The following NPLOC4 variants were observed in gnomAD, a reference collection of about 807,000 sequenced individuals.
NPLOC4 encodes the protein NPL4 homolog, ubiquitin recognition factor, also known as nuclear protein localization protein 4 homolog.
A neutral mutation model predicts 80.6 loss-of-function variants in NPLOC4; 18 were observed. The observed-to-expected ratio is 0.22, with a 90% confidence interval of 0.15 to 0.33. NPLOC4 has a LOEUF of 0.33. Ranked by LOEUF, NPLOC4 falls within the 10% of genes least tolerant of loss-of-function variation. The probability of loss-of-function intolerance (pLI) is 1.00; values close to 1 mark genes in which losing one functional copy is unlikely to be tolerated. For synonymous variants in NPLOC4, 313 were observed against 301.5 expected (o/e 1.04, Z -0.39); for missense variants, 540 against 786.1 (o/e 0.69, Z 3.74).
chr17:81,597,719 G>A (rs2034952460), intron 9 of NPLOC4, among the ~76,000 whole-genome samples: 1 of 144,216 alleles, frequency 6.9e-6, no homozygotes, highest in Admixed American at 7.1e-5. Context: ...GGAGGCAGAG[G>A]TTGCAGTGTG....
intron 16 of NPLOC4, chr17:81,564,080 C>T (rs999812644): frequency 4.2e-5 from 9 of 216,242 alleles, no homozygotes; most frequent in Non-Finnish European, 8.3e-5. Context: ...GGCTCCAGCT[C>T]AAAACACACA....
intron 2 of NPLOC4, among the ~76,000 whole-genome samples, chr17:81,626,604 G>C (rs1355563999): frequency 6.6e-6 from 1 of 152,112 alleles, no homozygotes; most frequent in Non-Finnish European, 1.5e-5. Flanking sequence ...CCAGGAGACA[G>C]AGTGGGGAGG....
chr17:81,617,663 C>CCCCCTCCCTCT (rs199493378), intron 3 of NPLOC4, among the ~76,000 whole-genome samples: 4 of 134,134 alleles, frequency 3.0e-5, no homozygotes, highest in Non-Finnish European at 6.3e-5. Context: ...CAAAAAATGC[C>CCCCCTCCCTCT]CCCCCTCCCC....
At chr17:81,621,900 C>G (rs1047273986) in intron 3 of NPLOC4, among the ~76,000 whole-genome samples, 3 of 152,220 alleles carry the variant, frequency 2.0e-5, no homozygotes, top group Admixed American at 1.3e-4. Flanking sequence ...CACTCCACGC[C>G]GTACATGGAC....
chr17:81,623,587 A>G (rs1213856182), intron 2 of NPLOC4, among the ~76,000 whole-genome samples: 2 of 151,576 alleles, frequency 1.3e-5, no homozygotes, highest in African/African-American at 4.8e-5. Flanking sequence ...TCATGAGGTC[A>G]GGAGATCGAG....
rs552476721 is a variant in NPLOC4 at position 81,597,526 on chromosome 17, T to C, written c.922-210A>G. 5.3e-5 allele frequency among the ~76,000 whole-genome samples: 8 copies of C among 152,216 alleles called. No homozygotes were observed. The South Asian group carries it at 1.7e-3, about 32-fold the overall frequency. On this transcript the variant is annotated intron_variant, in intron 9 of 16. Transcript: ENST00000331134. ...TAGGCCGGGTGCGGTGGCTCACGCC[T>C]GTAATCCCAGCACTTTGGGAGGCCG...
chr17:81,623,568 G>A (rs969890778), intron 2 of NPLOC4, among the ~76,000 whole-genome samples: 5 of 151,802 alleles, frequency 3.3e-5, no homozygotes, highest in Non-Finnish European at 5.9e-5. Context: ...GGAGGCCGAG[G>A]CAGGCGGATC....
intron 7 of NPLOC4, among the ~76,000 whole-genome samples, chr17:81,605,677 G>C (rs1405413306): frequency 1.1e-4 from 16 of 151,814 alleles, no homozygotes; most frequent in Admixed American, 1.1e-3. Context: ...CTGCCCTTTA[G>C]ACCACTTCAG....
At chr17:81,616,655 A>C (rs1438145052) in intron 3 of NPLOC4, among the ~76,000 whole-genome samples, 1 of 151,552 alleles carries the variant, frequency 6.6e-6, no homozygotes, top group Non-Finnish European at 1.5e-5. Context: ...GGGTGAACCC[A>C]GGGGGCGGAG....
chr17:81,608,939 C>T (rs552404193), intron 5 of NPLOC4, 117 bp from the exon 6 acceptor site: 1 of 683,682 alleles, frequency 1.5e-6, no homozygotes, highest in Non-Finnish European at 2.6e-6. Flanking sequence ...TCAAGGCCCA[C>T]AGTGAAAGCA....
At chr17:81,589,258 C>T (rs546997416) in intron 11 of NPLOC4, among the ~76,000 whole-genome samples, 154 bp from the exon 12 acceptor site, 1 of 152,224 alleles carries the variant, frequency 6.6e-6, no homozygotes, top group African/African-American at 2.4e-5. Flanking sequence ...CGGCCGGGTG[C>T]GGTGGCTCAT....
intron 16 of NPLOC4, chr17:81,563,425 T>C (rs1282078148): frequency 6.6e-6 from 1 of 151,074 alleles, no homozygotes; most frequent in African/African-American, 2.4e-5. Flanking sequence ...AAAACATTAG[T>C]TGGGTGTAGT....
Position 81,572,101 on chromosome 17 carries a change from G to A in NPLOC4, c.1282-13C>T. 6.2e-7 allele frequency: 1 copy of A among 1,600,348 alleles called. No homozygotes were observed. Among genetic ancestry groups the A allele is most frequent in the Non-Finnish European group, 8.5e-7 (1 of 1,170,550 alleles). On this transcript the variant is annotated splice_polypyrimidine_tract_variant and intron_variant, in intron 12 of 16. Coordinates refer to ENST00000331134, the MANE Select transcript of NPLOC4 (RefSeq NM_017921.4). The surrounding 1 kb of genome is among the most constrained non-coding windows in gnomAD (Gnocchi z 4.5). The stretch of plus-strand genomic sequence containing the variant: ...ACTTGTCTACGTCCTGCAATAGTCA[G>A]AGGGGAACAGCGGTGAGCAAAGACG...
chr17:81,603,710 A>G (rs1210628411), intron 8 of NPLOC4, among the ~76,000 whole-genome samples: 1 of 152,196 alleles, frequency 6.6e-6, no homozygotes, highest in Non-Finnish European at 1.5e-5. Context: ...CCTATGCACT[A>G]TCTGTCCCTC....
chr17:81,595,532 A>T (rs8082090), intron 11 of NPLOC4, among the ~76,000 whole-genome samples: 17,372 of 117,534 alleles, frequency 0.15, 1,291 homozygotes, highest in Non-Finnish European at 0.21. Context: ...ATATATATAT[A>T]TATTTTTTTT....
intron 16 of NPLOC4, among the ~76,000 whole-genome samples, chr17:81,561,393 C>T (rs2079558393): frequency 6.6e-6 from 1 of 152,158 alleles, no homozygotes; most frequent in South Asian, 2.1e-4. Flanking sequence ...ATACTGCGTC[C>T]CCCATTGGTG....
At chr17:81,594,274 CAAAAAAAAA>C (rs869281063) in intron 11 of NPLOC4, among the ~76,000 whole-genome samples, 49 of 53,654 alleles carry the variant, frequency 9.1e-4, no homozygotes, top group Admixed American at 1.8e-3. Flanking sequence ...GACTCCGTCT[CAAAAAAAAA>C]AAAAAAAAAA....
At chr17:81,616,795 G>C (rs1041804186) in intron 3 of NPLOC4, among the ~76,000 whole-genome samples, 1 of 151,892 alleles carries the variant, frequency 6.6e-6, no homozygotes, top group Admixed American at 6.6e-5. Flanking sequence ...AATTAACAGA[G>C]AGTTAGACTG....
intron 11 of NPLOC4, among the ~76,000 whole-genome samples, chr17:81,594,690 G>A (rs1294799711): frequency 1.3e-5 from 2 of 152,026 alleles, no homozygotes; most frequent in African/African-American, 4.8e-5. Flanking sequence ...CAGGAGAATT[G>A]CGTGAACCCG....
Sources: allele counts gnomAD v4.1 joint callset (sites outside exome capture counted in the v4.1 genomes callset), GRCh38; gene constraint gnomAD v4.1.1; non-coding constraint Gnocchi (gnomAD v3.1); transcripts MANE v1.5; gene names NCBI Gene and HGNC (gene_info 2026-07-23, HGNC 2026-07-21).